Variants in IL1RAPL1 observed in about 807,000 individuals in gnomAD.
IL1RAPL1 encodes interleukin 1 receptor accessory protein like 1, also known as interleukin-1 receptor accessory protein-like 1.
A neutral mutation model predicts 48.4 loss-of-function variants in IL1RAPL1; 3 were observed. That is an observed-to-expected ratio of 0.06 (90% CI 0.03 to 0.16). IL1RAPL1 has a LOEUF of 0.16. IL1RAPL1 is among the 10% of genes least tolerant of loss of function. The pLI is 1.00. For missense variants in IL1RAPL1, 349 were observed against 530.6 expected (o/e 0.66, Z 3.36); for synonymous variants, 185 against 187.7 (o/e 0.99, Z 0.12).
intron 6 of IL1RAPL1, among the ~76,000 whole-genome samples, chrX:29,834,743 C>A (rs1405591934): frequency 1.8e-5 from 2 of 111,608 alleles, no homozygotes; most frequent in East Asian, 5.6e-4. Flanking sequence ...ACTGGTTAAG[C>A]AAAACTGTGC....
chrX:28,711,928 A>G (rs992428996), intron 1 of IL1RAPL1, among the ~76,000 whole-genome samples: 3 of 110,685 alleles, frequency 2.7e-5, no homozygotes, highest in Admixed American at 1.9e-4. Flanking sequence ...AAGCTTGACA[A>G]CTAATTATCA....
intron 1 of IL1RAPL1, among the ~76,000 whole-genome samples, chrX:28,709,154 C>T (rs183258212): frequency 2.7e-5 from 3 of 111,975 alleles, no homozygotes; most frequent in Admixed American, 9.5e-5. Context: ...ACTCGATCCT[C>T]GAGGAATTTG....
At chrX:29,833,347 G>A (rs1930925146) in intron 6 of IL1RAPL1, among the ~76,000 whole-genome samples, 1 of 110,170 alleles carries the variant, frequency 9.1e-6, no homozygotes, top group Non-Finnish European at 1.9e-5. Context: ...TATTTAGTAT[G>A]TATTTTTTTT....
chrX:28,820,011 T>TAC (rs1371457096), intron 2 of IL1RAPL1, among the ~76,000 whole-genome samples: 7 of 76,452 alleles, frequency 9.2e-5, no homozygotes, highest in East Asian at 8.7e-4. Context: ...TATATATATA[T>TAC]ATACATGTAC....
chrX:29,883,458 G>T (rs1269856876), intron 6 of IL1RAPL1, among the ~76,000 whole-genome samples: 3 of 109,788 alleles, frequency 2.7e-5, no homozygotes, highest in Non-Finnish European at 3.8e-5. Context: ...CACAGAGAGA[G>T]AAGTACATTA....
intron 6 of IL1RAPL1, among the ~76,000 whole-genome samples, chrX:29,905,748 A>G (rs1232574348): frequency 9.0e-6 from 1 of 111,580 alleles, no homozygotes; most frequent in African/African-American, 3.3e-5. Context: ...TAAGGCAAAT[A>G]TATTCCCTTT....
chrX:29,711,958 A>G (rs1927363733), intron 6 of IL1RAPL1, among the ~76,000 whole-genome samples: 1 of 111,483 alleles, frequency 9.0e-6, no homozygotes, highest in East Asian at 2.8e-4. Context: ...AAAGATGGTA[A>G]GAAGTTTTGA....
chrX:29,684,232 C>G (rs771919524), intron 6 of IL1RAPL1, among the ~76,000 whole-genome samples: 1 of 111,775 alleles, frequency 8.9e-6, no homozygotes, highest in South Asian at 3.8e-4. Context: ...GATGGAAGTT[C>G]CAAGATCAAG....
At chrX:29,663,598 G>A (rs1446471251) in intron 5 of IL1RAPL1, among the ~76,000 whole-genome samples, 1 of 111,869 alleles carries the variant, frequency 8.9e-6, no homozygotes, top group Non-Finnish European at 1.9e-5. Context: ...GCTATGTTTT[G>A]TTTACATTTG....
chrX:29,426,598 C>A (rs1441981702), intron 5 of IL1RAPL1, among the ~76,000 whole-genome samples: 1 of 111,679 alleles, frequency 9.0e-6, no homozygotes, highest in African/African-American at 3.3e-5. Context: ...TTAGTTTCTT[C>A]ATCTGAAATG....
intron 2 of IL1RAPL1, among the ~76,000 whole-genome samples, chrX:29,115,250 T>C (rs1222583588): frequency 1.8e-5 from 2 of 111,912 alleles, no homozygotes; most frequent in Non-Finnish European, 3.8e-5. Context: ...TCATATGTGC[T>C]TAAGAAGAAT....
chrX:29,189,656 T>G, intron 2 of IL1RAPL1, among the ~76,000 whole-genome samples: 1 of 111,550 alleles, frequency 9.0e-6, no homozygotes, highest in East Asian at 2.8e-4. Context: ...ATATTATATA[T>G]TTTCCTACCC....
chrX:29,931,282 C>G (rs1468406274), intron 8 of IL1RAPL1, among the ~76,000 whole-genome samples: 1 of 111,212 alleles, frequency 9.0e-6, no homozygotes, highest in Admixed American at 9.6e-5. Flanking sequence ...CAGAAGTGTT[C>G]ATAAACATTC....
intron 2 of IL1RAPL1, among the ~76,000 whole-genome samples, chrX:29,218,843 T>C (rs1930924236): frequency 8.9e-6 from 1 of 112,164 alleles, no homozygotes; most frequent in African/African-American, 3.2e-5. Flanking sequence ...CACGTAAAAA[T>C]AAATCACTTA....
chrX:29,079,579 C>T, intron 2 of IL1RAPL1, among the ~76,000 whole-genome samples: 1 of 109,123 alleles, frequency 9.2e-6, no homozygotes, highest in Non-Finnish European at 1.9e-5. Flanking sequence ...TTTAATGTCT[C>T]CACTAGACAG....
chrX:29,240,097 A>G (rs1931379089), intron 2 of IL1RAPL1, among the ~76,000 whole-genome samples: 1 of 104,169 alleles, frequency 9.6e-6, no homozygotes, highest in Admixed American at 1.1e-4. Context: ...TATGTAGCCT[A>G]AAATATTCAC....
intron 5 of IL1RAPL1, among the ~76,000 whole-genome samples, chrX:29,444,799 C>A (rs1469150317): frequency 8.9e-6 from 1 of 111,990 alleles, no homozygotes; most frequent in Non-Finnish European, 1.9e-5. Flanking sequence ...CTACCATCCA[C>A]AGTCAGTCCT....
At chrX:29,592,451 G>T (rs1020788825) in intron 5 of IL1RAPL1, among the ~76,000 whole-genome samples, 6 of 111,116 alleles carry the variant, frequency 5.4e-5, no homozygotes, top group Non-Finnish European at 1.1e-4. Flanking sequence ...GTCACAGGAA[G>T]AATCACAACA....
intron 6 of IL1RAPL1, among the ~76,000 whole-genome samples, chrX:29,889,096 T>C (rs1601868523): frequency 8.9e-6 from 1 of 112,367 alleles, no homozygotes; most frequent in East Asian, 2.8e-4. Flanking sequence ...TATGATTGAT[T>C]TTAAAATGTC....
Sources: allele counts gnomAD v4.1 joint callset (sites outside exome capture counted in the v4.1 genomes callset), GRCh38; gene constraint gnomAD v4.1.1; transcripts MANE v1.5; gene names NCBI Gene and HGNC (gene_info 2026-07-23, HGNC 2026-07-21).